Variants in NXPE2 observed in about 807,000 individuals in gnomAD.
NXPE2 encodes the protein NXPE family member 2.
In NXPE2, 34 loss-of-function variants were observed where a neutral mutation model predicts 34.4. The observed-to-expected ratio is 0.99, with a 90% CI of 0.75 to 1.31. The LOEUF is 1.31. Among genes scored for constraint, NXPE2 ranks in the 40% most tolerant of loss-of-function variants. The pLI, the probability that NXPE2 is intolerant of heterozygous loss-of-function variation, is 0.00. For synonymous variants in NXPE2, 235 were observed against 231.3 expected, an observed-to-expected ratio of 1.02 and a Z score of -0.15; for missense variants, 649 against 672.5, an observed-to-expected ratio of 0.97 and a Z score of 0.39.
the NXPE2 span, among the ~76,000 whole-genome samples, chr11:114,619,416 C>A: frequency 2.0e-5 from 3 of 151,894 alleles, no homozygotes; most frequent in African/African-American, 4.8e-5. Flanking sequence ...ATAAGTGTTG[C>A]CTCGTGGGTA....
the NXPE2 span, chr11:114,580,126 G>A: frequency 4.4e-6 from 7 of 1,606,578 alleles, no homozygotes; most frequent in Non-Finnish European, 6.0e-6. Context: ...TTAGACTGAG[G>A]CATACTGTTG....
the NXPE2 span, among the ~76,000 whole-genome samples, chr11:114,532,758 G>C: frequency 8.5e-5 from 13 of 152,232 alleles, no homozygotes; most frequent in Non-Finnish European, 1.9e-4. Context: ...TATATAGGTA[G>C]ATTAGATAAA....
the NXPE2 span, among the ~76,000 whole-genome samples, chr11:114,713,836 C>T: frequency 6.6e-6 from 1 of 152,206 alleles, no homozygotes; most frequent in African/African-American, 2.4e-5. Context: ...TAATCCCAAT[C>T]TTCTTTTCCA....
the NXPE2 span, among the ~76,000 whole-genome samples, chr11:114,758,996 A>G: frequency 2.0e-5 from 3 of 152,024 alleles, no homozygotes; most frequent in African/African-American, 7.2e-5. Context: ...TAATCATCCA[A>G]AGAAACACAT....
At chr11:114,547,275 C>T in the NXPE2 span, among the ~76,000 whole-genome samples, 3 of 152,168 alleles carry the variant, frequency 2.0e-5, no homozygotes, top group Admixed American at 2.0e-4. Context: ...TGGAAGACCA[C>T]TTAGCTCTGT....
the NXPE2 span, among the ~76,000 whole-genome samples, chr11:114,577,989 T>C: frequency 6.6e-6 from 1 of 152,208 alleles, no homozygotes; most frequent in Non-Finnish European, 1.5e-5. Flanking sequence ...GATCCTCTCA[T>C]GTATATTTAA....
chr11:114,620,120 G>A, the NXPE2 span, among the ~76,000 whole-genome samples: 8 of 151,324 alleles, frequency 5.3e-5, no homozygotes, highest in South Asian at 2.1e-4. Context: ...TGGATAATAC[G>A]TATTTCCTCG....
the NXPE2 span, chr11:114,594,761 A>G: frequency 1.9e-3 from 2,658 of 1,435,444 alleles, 44 homozygotes; most frequent in African/African-American, 0.033. Flanking sequence ...TATTTTCATG[A>G]TTAGGATCCT....
the NXPE2 span, among the ~76,000 whole-genome samples, chr11:114,585,448 C>T: frequency 6.6e-6 from 1 of 151,982 alleles, no homozygotes; most frequent in South Asian, 2.1e-4. Context: ...ATATTCCATG[C>T]AAATGGAAAC....
chr11:114,711,282 G>A (rs1859607802), downstream of NXPE2, among the ~76,000 whole-genome samples: 1 of 151,828 alleles, frequency 6.6e-6, no homozygotes, highest in East Asian at 1.9e-4. Flanking sequence ...GTTATATATA[G>A]CATATGACAA....
chr11:114,670,068 C>A, the NXPE2 span, among the ~76,000 whole-genome samples: 1 of 152,014 alleles, frequency 6.6e-6, no homozygotes, highest in African/African-American at 2.4e-5. Context: ...AGAATTAGAA[C>A]AAACCTCAAA....
At chr11:114,583,196 A>G in the NXPE2 span, 23 of 793,510 alleles carry the variant, frequency 2.9e-5, no homozygotes, top group African/African-American at 3.5e-4. Context: ...CTCCAATAAA[A>G]AGGCATAGAA....
chr11:114,675,522 G>T (rs2135522642), upstream of NXPE2, among the ~76,000 whole-genome samples: 1 of 151,624 alleles, frequency 6.6e-6, no homozygotes, highest in East Asian at 1.9e-4. Context: ...TAAACTATCT[G>T]AAAAAGAAAT....
chr11:114,612,542 A>T, the NXPE2 span, among the ~76,000 whole-genome samples: 1 of 151,884 alleles, frequency 6.6e-6, no homozygotes, highest in Non-Finnish European at 1.5e-5. Flanking sequence ...CCTGTGTCTA[A>T]TAAGTGTTGC....
At chr11:114,603,439 G>A in the NXPE2 span, among the ~76,000 whole-genome samples, 1 of 151,176 alleles carries the variant, frequency 6.6e-6, no homozygotes, top group East Asian at 2.0e-4. Context: ...TCGTCTCCTA[G>A]GTAAATTCCA....
the NXPE2 span, among the ~76,000 whole-genome samples, chr11:114,636,179 G>T: frequency 0.15 from 21,982 of 151,502 alleles, 2,025 homozygotes; most frequent in East Asian, 0.38. Flanking sequence ...ACTTCTTCCT[G>T]GTTTAGTCTT....
At chr11:114,726,357 C>A in the NXPE2 span, among the ~76,000 whole-genome samples, 1,720 of 151,964 alleles carry the variant, frequency 0.011, 28 homozygotes, top group African/African-American at 0.038. Flanking sequence ...TCAAATTTAT[C>A]CTGCTTGAGG....
chr11:114,791,633 G>T, the NXPE2 span, among the ~76,000 whole-genome samples: 1 of 152,214 alleles, frequency 6.6e-6, no homozygotes, highest in South Asian at 2.1e-4. Context: ...ATGAATGAAA[G>T]AATGGATAAG....
the NXPE2 span, among the ~76,000 whole-genome samples, chr11:114,670,619 G>T: frequency 1.3e-5 from 2 of 152,056 alleles, no homozygotes; most frequent in Non-Finnish European, 1.5e-5. Context: ...TTGAACCCAG[G>T]AGTTCAAAGT....
Sources: allele counts gnomAD v4.1 joint callset (sites outside exome capture counted in the v4.1 genomes callset), GRCh38; gene constraint gnomAD v4.1.1; transcripts MANE v1.5; gene names NCBI Gene and HGNC (gene_info 2026-07-23, HGNC 2026-07-21).